Variants in TULP4 observed in about 807,000 individuals in gnomAD.
The protein encoded by TULP4 is tubby-related protein 4.
In TULP4, 16 loss-of-function variants were observed where a neutral mutation model predicts 129.0. That is an observed-to-expected ratio of 0.12 (90% confidence interval 0.08 to 0.19). TULP4 has a LOEUF of 0.19. TULP4 is among the 10% of genes least tolerant of loss of function. The pLI, the probability that TULP4 is intolerant of heterozygous loss-of-function variation, is 1.00. For synonymous variants in TULP4, 998 were observed against 854.0 expected (o/e 1.17, Z -2.94); for missense variants, 1,842 against 2,059.1 (o/e 0.89, Z 2.04).
rs565809976 is a variant in TULP4 at position 158,320,298 on chromosome 6, T to G, written c.252+6030T>G. On this transcript the variant is annotated intron_variant, in intron 1 of 13. Coordinates refer to ENST00000367097, the MANE Select transcript of TULP4 (RefSeq NM_020245.5). ...GGTATGTCAGGCAAAATAATGATTATGTTCCATAATGAAGATTATTTCAGA... is the reference window on the plus strand; with the variant it reads ...GGTATGTCAGGCAAAATAATGATTAGGTTCCATAATGAAGATTATTTCAGA... Among the ~76,000 whole-genome samples the G allele has an allele frequency of 2.0e-5, 3 of 152,350 alleles. No homozygotes were observed. In the South Asian group the frequency reaches 6.2e-4, roughly 32 times the overall value.
intron 5 of TULP4, among the ~76,000 whole-genome samples, chr6:158,456,813 G>A (rs1477149327): frequency 6.9e-6 from 1 of 145,132 alleles, no homozygotes; most frequent in African/African-American, 2.6e-5. Context: ...CAGCCTGGGC[G>A]ACAGAGCAAG....
rs1583841315 is a variant in TULP4, at chr6:158,404,874, T to C, written c.253-8191T>C. On this transcript the variant is annotated intron_variant, in intron 1 of 13. Coordinates refer to ENST00000367097, the MANE Select transcript of TULP4 (RefSeq NM_020245.5). ...AGAAAAGATTGAGGTCTGAGAGGAA[T>C]ACAGAGGGCTCTGGATAGTACTGGT... Among the ~76,000 whole-genome samples the C allele has an allele frequency of 2.0e-5, 3 of 152,058 alleles. No homozygotes were observed. In the East Asian group the frequency reaches 5.8e-4, roughly 29 times the overall value.
intron 1 of TULP4, among the ~76,000 whole-genome samples, chr6:158,411,200 T>TAAC (rs887202126): frequency 2.6e-5 from 4 of 152,156 alleles, no homozygotes; most frequent in African/African-American, 9.6e-5. Flanking sequence ...AGATATAAGT[T>TAAC]AACAAGGATT....
rs142413476 is a variant in TULP4, at chr6:158,501,602, C to T, written c.2015-76C>T. On this transcript the variant is annotated intron_variant, in intron 12 of 13. Coordinates refer to ENST00000367097, the MANE Select transcript of TULP4 (RefSeq NM_020245.5). ...TTTACAGAAGGAGACTGGATGAGTC[C>T]AGACGTATTGCTTATCCTGATCTGG... The T allele has an allele frequency of 2.9e-4, 407 of 1,419,306 alleles. 1 individual carries two copies. The African/African-American group carries it at 5.2e-3, about 18-fold the overall frequency. The allele number at this position is 1,419,306 out of a possible 1,614,324, so 87.9% of individuals were successfully genotyped here. A position where few individuals can be genotyped will look rare whatever the true frequency, so the allele number is the denominator to read the frequency against.
chr6:158,379,111 T>A (rs533458694), intron 1 of TULP4, among the ~76,000 whole-genome samples: 40 of 151,974 alleles, frequency 2.6e-4, no homozygotes, highest in Non-Finnish European at 2.8e-4. Flanking sequence ...GCGGCATAGG[T>A]GTGATGTGAA....
intron 11 of TULP4, among the ~76,000 whole-genome samples, chr6:158,496,390 G>A (rs375702209): frequency 1.3e-5 from 2 of 152,196 alleles, no homozygotes; most frequent in African/African-American, 2.4e-5. Context: ...TTGCTATGAG[G>A]CATTTCACAG....
At chr6:158,331,618 G>A (rs1475845445) in intron 1 of TULP4, among the ~76,000 whole-genome samples, 1 of 149,728 alleles carries the variant, frequency 6.7e-6, no homozygotes, top group Admixed American at 6.8e-5. Flanking sequence ...AATGGTATTA[G>A]AAACCAACAT....
intron 1 of TULP4, among the ~76,000 whole-genome samples, chr6:158,322,293 G>C (rs1209268543): frequency 2.0e-5 from 3 of 152,132 alleles, no homozygotes; most frequent in Non-Finnish European, 4.4e-5. Context: ...GGATATAATG[G>C]AGGGCTGTTT....
At chr6:158,345,267 G>A (rs1048340441) in intron 1 of TULP4, among the ~76,000 whole-genome samples, 1 of 152,182 alleles carries the variant, frequency 6.6e-6, no homozygotes, top group African/African-American at 2.4e-5. Context: ...CCCTGCCTTA[G>A]CCTTCCAAGT....
Position 158,413,583 on chromosome 6 carries a change from C to T in TULP4, c.381+390C>T, listed in dbSNP as rs572167418. On this transcript the variant is annotated intron_variant, in intron 2 of 13. Transcript: ENST00000367097. The surrounding 1 kb of genome is among the most constrained non-coding windows in gnomAD (Gnocchi z 4.9). ...CTCAGCGGTCTCATGGAGAGCTTCA[C>T]GTGACTTCTCACAACCTGCTCAACA... is the stretch of plus-strand genomic sequence containing the variant. 1.3e-5 allele frequency among the ~76,000 whole-genome samples: 2 copies of T among 152,346 alleles called. No homozygotes were observed. Among genetic ancestry groups the T allele is most frequent in the South Asian group, 2.1e-4 (1 of 4,830 alleles).
At chr6:158,262,690 G>A (rs1309490033) in intron 1 of TULP4, among the ~76,000 whole-genome samples, 1 of 152,206 alleles carries the variant, frequency 6.6e-6, no homozygotes, top group Non-Finnish European at 1.5e-5. Context: ...GAAGGCTGGA[G>A]GGTGGTGTCA....
At position 158,273,241 on chromosome 6, in the gene TULP4, C is replaced by T. The variant is rs561289215; in HGVS notation, n.69-38810C>T. ...GTCTTCATTGAACTGGACCTTTCTG[C>T]AGGCCCTCTCTTTGCTCAGGTGTTG... On this transcript the variant is annotated intron_variant and non_coding_transcript_variant, in intron 1 of 1. Coordinates refer to the TULP4 transcript ENST00000620026. Among the ~76,000 whole-genome samples, 6 of 152,330 alleles carry T rather than the reference C, an allele frequency of 3.9e-5. No individual in the cohort carries two copies. In the East Asian group the frequency reaches 1.2e-3, roughly 29 times the overall value.
intron 1 of TULP4, among the ~76,000 whole-genome samples, chr6:158,343,447 T>G (rs1392876315): frequency 6.6e-6 from 1 of 152,182 alleles, no homozygotes; most frequent in African/African-American, 2.4e-5. Context: ...AGCTTAAACC[T>G]TAACCTCCAA....
chr6:158,478,220 C>T (rs1779865239), intron 6 of TULP4, among the ~76,000 whole-genome samples: 1 of 152,146 alleles, frequency 6.6e-6, no homozygotes, highest in African/African-American at 2.4e-5. Flanking sequence ...CCTATATAAC[C>T]TGCTTGTGTA....
intron 1 of TULP4, among the ~76,000 whole-genome samples, chr6:158,268,028 C>CTT (rs1369900655): frequency 8.8e-6 from 1 of 113,806 alleles, no homozygotes; most frequent in African/African-American, 2.9e-5. Flanking sequence ...TTTTCTTTTT[C>CTT]TTTTTTCTTT....
chr6:158,496,249 G>A (rs2128259436), intron 11 of TULP4, among the ~76,000 whole-genome samples: 1 of 152,370 alleles, frequency 6.6e-6, no homozygotes, highest in East Asian at 1.9e-4. Flanking sequence ...TCCATTTTGA[G>A]CGTGCTGTGC....
intron 1 of TULP4, among the ~76,000 whole-genome samples, chr6:158,264,444 G>A (rs1159569884): frequency 6.6e-6 from 1 of 151,968 alleles, no homozygotes; most frequent in Non-Finnish European, 1.5e-5. Flanking sequence ...TACCCATTTG[G>A]CTTATTTGTG....
At position 158,429,841 on chromosome 6, in the gene TULP4, G is replaced by A. The variant is rs1778588817; in HGVS notation, c.487G>A (p.Glu163Lys). The change falls in exon 3 of 14, where the codon GAA becomes AAA. Residue 163 changes from glutamate (E) to lysine (K), a missense_variant. Around this residue, in one of 5 missense-constraint regions of TULP4, gnomAD observed 151 missense variants for 268.7 expected, o/e 0.56. Coordinates refer to ENST00000367097, the MANE Select transcript of TULP4 (RefSeq NM_020245.5). ...SVSGQRHWSS[E>K]INLESQITCG... ...CAGTGGACAAAGACACTGGTCATCC[G>A]AAATCAACTTGGAAAGTCAAATTAC... 1 of 1,614,076 alleles carries A rather than the reference G, an allele frequency of 6.2e-7. No individual in the cohort carries two copies. The highest frequency in any genetic ancestry group is 1.1e-5 in the South Asian group (1 of 91,060).
chr6:158,251,658 T>C (rs1265723425), intron 1 of TULP4, among the ~76,000 whole-genome samples: 1 of 152,218 alleles, frequency 6.6e-6, no homozygotes, highest in East Asian at 1.9e-4. Flanking sequence ...TGTGAGTCTC[T>C]CTAAAAATCC....
Sources: allele counts gnomAD v4.1 joint callset (sites outside exome capture counted in the v4.1 genomes callset), GRCh38; gene constraint gnomAD v4.1.1; regional missense constraint gnomAD v4.1.1; non-coding constraint Gnocchi (gnomAD v3.1); transcripts MANE v1.5; gene names NCBI Gene and HGNC (gene_info 2026-07-23, HGNC 2026-07-21).